Variants in TMPRSS15 observed in about 807,000 individuals in gnomAD.
TMPRSS15 encodes the protein enteropeptidase.
A neutral mutation model predicts 125.3 loss-of-function variants in TMPRSS15; 128 were observed. The observed-to-expected ratio is 1.02, with a 90% CI of 0.89 to 1.18. TMPRSS15 has a LOEUF of 1.18. Ranked by LOEUF, TMPRSS15 falls within the 50% of genes most tolerant of loss-of-function variation. The pLI is 0.00. For missense variants in TMPRSS15, 1,283 were observed against 1,212.7 expected (o/e 1.06, Z -0.86); for synonymous variants, 446 against 423.2 (o/e 1.05, Z -0.66).
chr21:18,289,692 TGA>T (rs1345253252), intron 21 of TMPRSS15, among the ~76,000 whole-genome samples: 1 of 152,186 alleles, frequency 6.6e-6, no homozygotes, highest in Admixed American at 6.5e-5. Flanking sequence ...AATTAAAGAA[TGA>T]GATCTTGGCA....
chr21:18,343,434 C>G, intron 12 of TMPRSS15, 72 bp downstream of exon 12: 1 of 1,335,126 alleles, frequency 7.5e-7, no homozygotes, highest in Middle Eastern at 2.6e-4. Context: ...AATTTTTTCA[C>G]TGTATCATTC....
In TMPRSS15 at chr21:18,416,518, T is replaced by C. The variant is rs866524467; in HGVS notation, c.11-18189A>G. Among the ~76,000 whole-genome samples the C allele has an allele frequency of 1.2e-4, 18 of 152,184 alleles. No individual in the cohort carries two copies. The South Asian group carries it at 1.2e-3, about 11-fold the overall frequency. On this transcript the variant is annotated intron_variant, in intron 1 of 7. Transcript: ENST00000422787. Reference sequence around the variant, plus strand: ...TAAGGCATTTGTTTTTACAGCCCAGTGTTCCATCTCCTTGGTTAGTAATAT... The same window carrying C: ...TAAGGCATTTGTTTTTACAGCCCAGCGTTCCATCTCCTTGGTTAGTAATAT...
In TMPRSS15 at chr21:18,315,242, C is replaced by G; in HGVS notation, c.1936G>C (p.Asp646His). ...HLGIPEPCKA[D>H]HFQCKNGECV... ...TCTCCATTTTTACATTGAAAATGGT[C>G]TGCCTTGCATGGCTCTATGGGGAAA... The change falls in exon 17 of 25, where the codon GAC becomes CAC. Residue 646 changes from aspartate to histidine, a missense_variant. Physicochemically the swap from Asp to His is moderately conservative, Grantham distance 81. Transcript: ENST00000284885. The G allele has an allele frequency of 6.2e-7, 1 of 1,613,114 alleles. No homozygotes were observed. Among genetic ancestry groups the G allele is most frequent in the East Asian group, 2.2e-5 (1 of 44,876 alleles).
At chr21:18,400,240 G>A (rs2076082284) in intron 1 of TMPRSS15, among the ~76,000 whole-genome samples, 3 of 152,046 alleles carry the variant, frequency 2.0e-5, no homozygotes, top group African/African-American at 4.8e-5. Flanking sequence ...AAATTCATAT[G>A]GAACTAGGAA....
At chr21:18,461,185 C>T (rs1232120375) in intron 1 of TMPRSS15, among the ~76,000 whole-genome samples, 3 of 152,178 alleles carry the variant, frequency 2.0e-5, no homozygotes, top group Non-Finnish European at 4.4e-5. Context: ...AGATCTCCAT[C>T]CATCACGATT....
intron 1 of TMPRSS15, among the ~76,000 whole-genome samples, chr21:18,475,424 T>G (rs1279245956): frequency 6.6e-6 from 1 of 152,122 alleles, no homozygotes; most frequent in African/African-American, 2.4e-5. Context: ...AAACCTCATC[T>G]CTACTAAAAA....
intron 4 of TMPRSS15, 80 bp downstream of exon 4, chr21:18,383,547 C>T (rs2075912892): frequency 2.0e-6 from 3 of 1,514,642 alleles, no homozygotes; most frequent in East Asian, 2.3e-5. Flanking sequence ...AGCATGATTC[C>T]ACTTCCTCCC....
intron 23 of TMPRSS15, among the ~76,000 whole-genome samples, chr21:18,276,355 A>C (rs955042342): frequency 1.3e-5 from 2 of 152,228 alleles, no homozygotes; most frequent in African/African-American, 4.8e-5. Context: ...CACAATGATC[A>C]ATTTCAAGGT....
chr21:18,386,204 T>C (rs897511826), intron 3 of TMPRSS15, among the ~76,000 whole-genome samples: 2 of 152,204 alleles, frequency 1.3e-5, no homozygotes, highest in African/African-American at 4.8e-5. Context: ...ATTTTCATTT[T>C]AGCAATGAGG....
intron 18 of TMPRSS15, among the ~76,000 whole-genome samples, chr21:18,299,176 G>C (rs1222843812): frequency 6.6e-6 from 1 of 152,154 alleles, no homozygotes; most frequent in Non-Finnish European, 1.5e-5. Context: ...TCCACCAAGT[G>C]GGCAGAAGGA....
chr21:18,407,242 T>G (rs1157241622), upstream of TMPRSS15, among the ~76,000 whole-genome samples: 1 of 152,118 alleles, frequency 6.6e-6, no homozygotes. Context: ...TGAAATACAT[T>G]AATGAACCAC....
chr21:18,395,121 G>A (rs2076023013), intron 3 of TMPRSS15, among the ~76,000 whole-genome samples: 1 of 152,146 alleles, frequency 6.6e-6, no homozygotes, highest in Admixed American at 6.5e-5. Flanking sequence ...CACAGGGCTT[G>A]CGTGGAAAAA....
At position 18,269,306 on chromosome 21, in the gene TMPRSS15, A is replaced by G. The variant is rs1460934093; in HGVS notation, c.*663T>C. 1 of 152,240 alleles carries G rather than the reference A, an allele frequency of 6.6e-6. No individual in the cohort carries two copies. The highest frequency in any genetic ancestry group is 1.9e-4 in the East Asian group (1 of 5,204). 9.4% of individuals were successfully genotyped at this position (152,240 alleles called of 1,614,324 possible). The stretch of plus-strand genomic sequence containing the variant: ...TTAAAAATACTTGCTTGAAATAAAT[A>G]GGTAAAATTTATCTAATATACAATG... On this transcript the variant is annotated 3_prime_UTR_variant, in exon 25 of 25. Coordinates refer to ENST00000284885, the MANE Select transcript of TMPRSS15 (RefSeq NM_002772.3).
At chr21:18,306,609 T>C (rs1318880306) in intron 18 of TMPRSS15, among the ~76,000 whole-genome samples, 1 of 152,154 alleles carries the variant, frequency 6.6e-6, no homozygotes, top group Non-Finnish European at 1.5e-5. Flanking sequence ...CACAAATAAC[T>C]AACTCCACTT....
At chr21:18,311,460 T>C (rs982673183) in intron 18 of TMPRSS15, among the ~76,000 whole-genome samples, 5 of 152,056 alleles carry the variant, frequency 3.3e-5, no homozygotes, top group African/African-American at 9.7e-5. Context: ...AAAAAAGACA[T>C]ACAAATAGCC....
At chr21:18,385,252 A>G (rs1242078665) in intron 3 of TMPRSS15, among the ~76,000 whole-genome samples, 1 of 152,232 alleles carries the variant, frequency 6.6e-6, no homozygotes, top group Non-Finnish European at 1.5e-5. Context: ...TTACCCATAC[A>G]TGAAATCACT....
intron 24 of TMPRSS15, 92 bp from the exon 25 acceptor site, chr21:18,270,216 A>AAATT: frequency 1.8e-6 from 2 of 1,112,546 alleles, no homozygotes; most frequent in East Asian, 2.7e-5. Flanking sequence ...TAAAAAATAA[A>AAATT]AATTAATTAA....
chr21:18,363,333 G>T (rs2075695039), intron 7 of TMPRSS15, among the ~76,000 whole-genome samples: 1 of 151,932 alleles, frequency 6.6e-6, no homozygotes, highest in Non-Finnish European at 1.5e-5. Context: ...GTAATGGAAA[G>T]AAACTAAAAA....
chr21:18,394,529 CTCTG>C (rs1044809916), intron 3 of TMPRSS15, among the ~76,000 whole-genome samples: 47 of 149,558 alleles, frequency 3.1e-4, no homozygotes, highest in African/African-American at 1.1e-3. Flanking sequence ...CTCTCTCTCT[CTCTG>C]TCTCTCTCTC....
Sources: gnomAD v4.1 joint callset for allele counts (sites outside exome capture counted in the v4.1 genomes callset) on GRCh38, gnomAD v4.1.1 for gene constraint, MANE v1.5 for transcripts, NCBI Gene and HGNC (gene_info 2026-07-23, HGNC 2026-07-21) for gene names.